CCDC90B: variants seen among roughly 807,000 people sequenced by gnomAD.
CCDC90B encodes the protein coiled-coil domain containing 90B, also known as coiled-coil domain-containing protein 90B, mitochondrial.
CCDC90B carries 24 observed loss-of-function variants against 37.0 expected under a neutral mutation model. That is an observed-to-expected ratio of 0.65 (90% CI 0.47 to 0.91). The LOEUF (loss-of-function observed/expected upper bound fraction) is 0.91. Ranked by LOEUF, CCDC90B falls within the 40% of genes least tolerant of loss-of-function variation. The pLI is 0.00. For missense variants in CCDC90B, 319 were observed against 299.0 expected, an observed-to-expected ratio of 1.07 and a Z score of -0.49; for synonymous variants, 113 against 101.1, an observed-to-expected ratio of 1.12 and a Z score of -0.71.
At chr11:83,282,041 C>T (rs1484216938) in intron 1 of CCDC90B, among the ~76,000 whole-genome samples, 1 of 152,194 alleles carries the variant, frequency 6.6e-6, no homozygotes, top group African/African-American at 2.4e-5. Flanking sequence ...AGAACACTTA[C>T]GTTAGCCTAT....
At chr11:83,285,817 G>A (rs775210396) in intron 1 of CCDC90B, 56 bp downstream of exon 1, 6 of 1,550,856 alleles carry the variant, frequency 3.9e-6, no homozygotes, top group Non-Finnish European at 4.3e-6. Context: ...GCGACCCCAC[G>A]GGCATCGTCT....
At chr11:83,265,415 A>G (rs1864193151) in intron 8 of CCDC90B, among the ~76,000 whole-genome samples, 1 of 150,946 alleles carries the variant, frequency 6.6e-6, no homozygotes, top group Non-Finnish European at 1.5e-5. Context: ...GAAAATTTTC[A>G]TTTTTTTTTC....
At chr11:83,274,063 C>CG in intron 4 of CCDC90B, 71 bp from the exon 5 acceptor site, 1 of 1,187,620 alleles carries the variant, frequency 8.4e-7, no homozygotes, top group East Asian at 2.6e-5. Context: ...AAATCTGAAA[C>CG]CCTAGATTAC....
At chr11:83,281,116 A>G (rs958320168) in intron 1 of CCDC90B, among the ~76,000 whole-genome samples, 4 of 152,200 alleles carry the variant, frequency 2.6e-5, no homozygotes, top group African/African-American at 7.2e-5. Flanking sequence ...TACAGAGCCA[A>G]TGGCAGAATT....
intron 7 of CCDC90B, among the ~76,000 whole-genome samples, chr11:83,271,131 G>T (rs1864632190): frequency 6.6e-6 from 1 of 152,132 alleles, no homozygotes; most frequent in Admixed American, 6.5e-5. Flanking sequence ...ATTCAAGATG[G>T]ATTAAAGACT....
At chr11:83,285,006 T>G in intron 1 of CCDC90B, 1 of 547,732 alleles carries the variant, frequency 1.8e-6, no homozygotes, top group Non-Finnish European at 2.5e-6. Context: ...ACAACTGCAG[T>G]TTTGACTGCA....
In CCDC90B at chr11:83,274,619, T is replaced by C; in HGVS notation, c.426+20A>G. 1.4e-6 allele frequency: 2 copies of C among 1,438,900 alleles called. No individual in the cohort carries two copies. 89.1% of individuals were successfully genotyped at this position (1,438,900 alleles called of 1,614,324 possible). ...ATGAGATCAGTTATTTTATAAGTAA[T>C]AAATTAAAATTTGTATCACCTCATT... is the stretch of plus-strand genomic sequence containing the variant. On this transcript the variant is annotated intron_variant, in intron 4 of 8. Transcript: ENST00000529689.
In CCDC90B at chr11:83,286,096, T is replaced by C. The variant is rs974419364; in HGVS notation, c.-124A>G. On this transcript the variant is annotated 5_prime_UTR_variant, in exon 1 of 9. Coordinates refer to ENST00000529689, the MANE Select transcript of CCDC90B (RefSeq NM_021825.5). The stretch of plus-strand genomic sequence containing the variant: ...TTGTAGTTTTCGCTCTGTCACAAGC[T>C]CACCTCCCAGCGCAGGCGCCACCGT... 20 of 1,536,950 alleles carry C rather than the reference T, an allele frequency of 1.3e-5. No individual in the cohort carries two copies. The highest frequency in any genetic ancestry group is 2.7e-5 in the African/African-American group (2 of 73,030).
At chr11:83,283,267 A>G (rs1298261599) in intron 1 of CCDC90B, among the ~76,000 whole-genome samples, 1 of 152,240 alleles carries the variant, frequency 6.6e-6, no homozygotes, top group East Asian at 1.9e-4. Context: ...GCCCTCCTTG[A>G]GAATAAAGGA....
Position 83,262,103 on chromosome 11 carries a change from C to G in CCDC90B, c.710-137G>C, listed in dbSNP as rs1863961611. 5.3e-6 allele frequency: 3 copies of G among 571,206 alleles called. No individual in the cohort carries two copies. In the East Asian group the frequency reaches 9.1e-5, roughly 17 times the overall value. The allele number at this position is 571,206 out of a possible 1,614,324, so 35.4% of individuals were successfully genotyped here. ...TTTTCTATCCTATGTTTTTTATTCC[C>G]TAGACAATTAAGTATGAAAGACATT... is the stretch of plus-strand genomic sequence containing the variant. On this transcript the variant is annotated intron_variant, in intron 8 of 8. Coordinates refer to ENST00000529689, the MANE Select transcript of CCDC90B (RefSeq NM_021825.5).
At position 83,286,367 on chromosome 11, in the gene CCDC90B, T is replaced by A. The variant is rs1210443210; in HGVS notation, c.-395A>T. 1 of 631,326 alleles carries A rather than the reference T, an allele frequency of 1.6e-6. No homozygotes were observed. 39.1% of individuals were successfully genotyped at this position (631,326 alleles called of 1,614,324 possible). A position where few individuals can be genotyped will look rare whatever the true frequency, so the allele number is the denominator to read the frequency against. Reference sequence around the variant, plus strand: ...GGGTCGGGGGAGATGGAGTCGCATTTAGCCGCACAGCAGCCTGGAACCTGA... The same window carrying A: ...GGGTCGGGGGAGATGGAGTCGCATTAAGCCGCACAGCAGCCTGGAACCTGA... On this transcript the variant is annotated 5_prime_UTR_variant, in exon 1 of 9. Transcript: ENST00000529689.
At position 83,272,283 on chromosome 11, in the gene CCDC90B, C is replaced by T. The variant is rs969866357; in HGVS notation, c.594+1364G>A. ...TTTTTTTAAAAACACTATAAACTGA[C>T]GAATTACATTCCTTCTGCTTTCATA... On this transcript the variant is annotated intron_variant, in intron 7 of 8. Transcript: ENST00000529689. Among the ~76,000 whole-genome samples the T allele has an allele frequency of 4.6e-5, 7 of 152,104 alleles. No homozygotes were observed. The East Asian group carries it at 5.8e-4, about 13-fold the overall frequency.
Position 83,260,237 on chromosome 11 carries a change from A to C in CCDC90B, c.*1674T>G, listed in dbSNP as rs1863867146. The stretch of plus-strand genomic sequence containing the variant: ...TTACTTGTTTATGTCTCTCTCCTTA[A>C]GATTGTCAATTCAATGAGAATGAAA... On this transcript the variant is annotated 3_prime_UTR_variant, in exon 9 of 9. Coordinates refer to ENST00000529689, the MANE Select transcript of CCDC90B (RefSeq NM_021825.5). 1 of 152,206 alleles carries C rather than the reference A, an allele frequency of 6.6e-6. No homozygotes were observed. The highest frequency in any genetic ancestry group is 1.5e-5 in the Non-Finnish European group (1 of 68,036). 9.4% of individuals were successfully genotyped at this position (152,206 alleles called of 1,614,324 possible).
chr11:83,267,109 C>G (rs1300503294), intron 7 of CCDC90B: 2 of 152,240 alleles, frequency 1.3e-5, no homozygotes, highest in African/African-American at 4.8e-5. Context: ...ATCTGTAGGT[C>G]ACCAACATCA....
intron 3 of CCDC90B, among the ~76,000 whole-genome samples, chr11:83,276,114 C>T (rs1865011683): frequency 6.6e-6 from 1 of 152,100 alleles, no homozygotes; most frequent in African/African-American, 2.4e-5. Flanking sequence ...TCATATATTA[C>T]TGGGGAGGGT....
At chr11:83,265,765 T>C (rs1222905909) in intron 8 of CCDC90B, 100 bp downstream of exon 8, 2 of 690,176 alleles carry the variant, frequency 2.9e-6, no homozygotes, top group African/African-American at 1.8e-5. Flanking sequence ...AGCCTTGTTA[T>C]CTAGCTCCTC....
Position 83,261,957 on chromosome 11 carries a change from A to C in CCDC90B, c.719T>G (p.Phe240Cys). Reference sequence around the variant, plus strand: ...TCCCAATGCTATTGCCAGGCAAGTAAACACCGAAGCTGTGAAAAGAAGAAA... The same window carrying C: ...TCCCAATGCTATTGCCAGGCAAGTACACACCGAAGCTGTGAAAAGAAGAAA... ...ETIRYLAASV[F>C]TCLAIALGFY... The change falls in exon 9 of 9, where the codon TTT becomes TGT. Residue 240 changes from phenylalanine (F) to cysteine (C), a missense_variant. Phe to Cys is a radical substitution (Grantham distance 205). Transcript: ENST00000529689. 1 of 1,599,366 alleles carries C rather than the reference A, an allele frequency of 6.3e-7. No individual in the cohort carries two copies. Among genetic ancestry groups the C allele is most frequent in the Non-Finnish European group, 8.5e-7 (1 of 1,171,654 alleles).
At chr11:83,264,094 ATG>A (rs1286997266) in intron 8 of CCDC90B, among the ~76,000 whole-genome samples, 1 of 152,174 alleles carries the variant, frequency 6.6e-6, no homozygotes, top group Non-Finnish European at 1.5e-5. Context: ...CCACCAAGAT[ATG>A]TGTGTGTGTA....
At chr11:83,283,448 C>G (rs907675072) in intron 1 of CCDC90B, among the ~76,000 whole-genome samples, 4 of 152,166 alleles carry the variant, frequency 2.6e-5, no homozygotes, top group African/African-American at 9.7e-5. Context: ...ATATGTAAAA[C>G]ATTATTCCTT....
Sources: gnomAD v4.1 joint callset for allele counts (sites outside exome capture counted in the v4.1 genomes callset) on GRCh38, gnomAD v4.1.1 for gene constraint, MANE v1.5 for transcripts, NCBI Gene and HGNC (gene_info 2026-07-23, HGNC 2026-07-21) for gene names.